DLGAP2: variants seen among roughly 807,000 people sequenced by gnomAD.
The protein encoded by DLGAP2 is DLG associated protein 2.
DLGAP2 carries 26 observed loss-of-function variants against 100.3 expected under a neutral mutation model. The observed-to-expected ratio is 0.26, with a 90% CI of 0.19 to 0.36. DLGAP2 has a LOEUF of 0.36. Among genes scored for constraint, DLGAP2 ranks in the 10% least tolerant of loss-of-function variants. The pLI is 1.00. For missense variants in DLGAP2, 1,858 were observed against 1,453.2 expected (o/e 1.28, Z -4.53); for synonymous variants, 886 against 630.1 (o/e 1.41, Z -6.08).
intron 2 of DLGAP2, among the ~76,000 whole-genome samples, chr8:1,167,040 G>A (rs1797030239): frequency 1.3e-5 from 2 of 152,138 alleles, no homozygotes; most frequent in Admixed American, 1.3e-4. Flanking sequence ...GTAGGCTGAG[G>A]TGGGAGGATC....
At chr8:793,170 A>T (rs1223153938) in intron 1 of DLGAP2, among the ~76,000 whole-genome samples, 1 of 152,118 alleles carries the variant, frequency 6.6e-6, no homozygotes, top group East Asian at 1.9e-4. Flanking sequence ...TCTTCTAGAG[A>T]GTCTCTTTGT....
intron 1 of DLGAP2, among the ~76,000 whole-genome samples, chr8:800,164 C>A (rs1796118291): frequency 1.3e-5 from 2 of 152,294 alleles, no homozygotes; most frequent in South Asian, 4.1e-4. Flanking sequence ...AGGATATGGT[C>A]ATGCTGTGCC....
At chr8:891,853 G>C (rs1168380257) in intron 1 of DLGAP2, among the ~76,000 whole-genome samples, 1 of 152,184 alleles carries the variant, frequency 6.6e-6, no homozygotes, top group African/African-American at 2.4e-5. Context: ...CCGAGGAGGG[G>C]GAGGACCTTG....
chr8:1,318,780 C>CG (rs1249452451), intron 3 of DLGAP2, among the ~76,000 whole-genome samples: 1 of 64,484 alleles, frequency 1.6e-5, no homozygotes, highest in Non-Finnish European at 3.2e-5. Context: ...AGTGATCAGC[C>CG]CCCCCCCCGC....
intron 9 of DLGAP2, 148 bp downstream of exon 9, chr8:1,668,826 G>A (rs541240903): frequency 6.7e-5 from 54 of 809,566 alleles, no homozygotes; most frequent in Non-Finnish European, 9.7e-5. Context: ...AGGGCTGTGC[G>A]TTCGCCTTGC....
chr8:1,669,051 G>T (rs1798621700), intron 9 of DLGAP2, among the ~76,000 whole-genome samples: 1 of 152,212 alleles, frequency 6.6e-6, no homozygotes, highest in South Asian at 2.1e-4. Context: ...GTTGAAGTCT[G>T]ATTTTTCAAA....
chr8:861,025 T>C (rs1025222850), intron 1 of DLGAP2, among the ~76,000 whole-genome samples: 3 of 152,040 alleles, frequency 2.0e-5, no homozygotes, highest in African/African-American at 4.8e-5. Context: ...CTGAGGTTGA[T>C]GTGTTTATAA....
rs1045521849 is a variant in DLGAP2, at chr8:1,243,555, G to C, written c.74-15296G>C. Among the ~76,000 whole-genome samples the C allele has an allele frequency of 3.3e-5, 5 of 151,782 alleles. 1 individual carries two copies. The highest frequency in any genetic ancestry group is 9.7e-5 in the African/African-American group (4 of 41,278). ...TCGTTTCCTCTTATTTTTTCTTCTC[G>C]CTCACGATATATTACAAAATTCTTT... On this transcript the variant is annotated intron_variant, in intron 2 of 14. Coordinates refer to ENST00000637795, the MANE Select transcript of DLGAP2 (RefSeq NM_001346810.2).
At chr8:1,297,416 G>A (rs958876246) in intron 3 of DLGAP2, among the ~76,000 whole-genome samples, 2 of 152,114 alleles carry the variant, frequency 1.3e-5, no homozygotes, top group Middle Eastern at 6.8e-3. Context: ...GAGAAACGTG[G>A]CATGCGCGAA....
intron 2 of DLGAP2, among the ~76,000 whole-genome samples, chr8:1,257,563 G>C (rs1475566036): frequency 6.6e-6 from 1 of 151,848 alleles, no homozygotes; most frequent in Non-Finnish European, 1.5e-5. Context: ...TGTCCTTCAA[G>C]GTTCAGGCCA....
intron 12 of DLGAP2, among the ~76,000 whole-genome samples, chr8:1,683,886 G>GTATACATATATA (rs1799032570): frequency 1.8e-5 from 2 of 109,800 alleles, no homozygotes; most frequent in African/African-American, 3.8e-5. Flanking sequence ...GTGTGTGTGT[G>GTATACATATATA]TGTGTGTGTG....
At chr8:1,094,702 C>T (rs1804307790) in intron 2 of DLGAP2, among the ~76,000 whole-genome samples, 1 of 152,216 alleles carries the variant, frequency 6.6e-6, no homozygotes, top group South Asian at 2.1e-4. Context: ...GTGCAGCGGG[C>T]ACAAGAGTGG....
Position 1,671,765 on chromosome 8 carries a change from C to G in DLGAP2, c.2202+1981C>G, listed in dbSNP as rs191256349. Among the ~76,000 whole-genome samples the G allele has an allele frequency of 2.0e-5, 3 of 152,210 alleles. No individual in the cohort carries two copies. The South Asian group carries it at 6.2e-4, about 32-fold the overall frequency. On this transcript the variant is annotated intron_variant, in intron 10 of 14. Transcript: ENST00000637795. ...CCCCTGTTCCTCAGATGTCTGGCCC[C>G]GGCCACCTGAGTCTGGCCCTTACAG...
At chr8:1,505,139 T>G (rs1302194590) in intron 4 of DLGAP2, among the ~76,000 whole-genome samples, 1 of 152,222 alleles carries the variant, frequency 6.6e-6, no homozygotes, top group Non-Finnish European at 1.5e-5. Flanking sequence ...TCCAATCTCC[T>G]CATCTTTAAA....
intron 1 of DLGAP2, among the ~76,000 whole-genome samples, chr8:741,588 G>C (rs533261787): frequency 1.5e-4 from 23 of 152,312 alleles, no homozygotes; most frequent in Admixed American, 7.8e-4. Flanking sequence ...AGTTGCCTTA[G>C]TTCTGGAAGT....
intron 3 of DLGAP2, among the ~76,000 whole-genome samples, chr8:1,358,110 G>A (rs1326153480): frequency 6.6e-6 from 1 of 152,190 alleles, no homozygotes; most frequent in African/African-American, 2.4e-5. Context: ...AAGTTGGGTA[G>A]AAGTGAAGAT....
At chr8:765,822 A>G (rs1821198733) in intron 1 of DLGAP2, among the ~76,000 whole-genome samples, 1 of 151,988 alleles carries the variant, frequency 6.6e-6, no homozygotes, top group South Asian at 2.1e-4. Context: ...TGCACACACA[A>G]ATGCACAAAC....
intron 1 of DLGAP2, among the ~76,000 whole-genome samples, chr8:819,812 T>C (rs1036073367): frequency 2.0e-5 from 3 of 152,208 alleles, no homozygotes; most frequent in African/African-American, 7.2e-5. Context: ...GGAGTGGTGC[T>C]TGCGTGGCTG....
At chr8:1,355,472 C>A (rs1186848983) in intron 3 of DLGAP2, among the ~76,000 whole-genome samples, 1 of 152,018 alleles carries the variant, frequency 6.6e-6, no homozygotes, top group African/African-American at 2.4e-5. Context: ...TCAAGCGATT[C>A]TCCTGCCTCA....
Sources: gnomAD v4.1 joint callset for allele counts (sites outside exome capture counted in the v4.1 genomes callset) on GRCh38, gnomAD v4.1.1 for gene constraint, MANE v1.5 for transcripts, NCBI Gene and HGNC (gene_info 2026-07-23, HGNC 2026-07-21) for gene names.